Variants in NPLOC4 observed in about 807,000 individuals in gnomAD.
NPLOC4 encodes the protein nuclear protein localization protein 4 homolog.
NPLOC4 carries 18 observed loss-of-function variants against 80.6 expected under a neutral mutation model. The observed-to-expected ratio is 0.22, with a 90% CI of 0.15 to 0.33. The LOEUF is 0.33. Ranked by LOEUF, NPLOC4 falls within the 10% of genes least tolerant of loss-of-function variation. The pLI is 1.00. For missense variants in NPLOC4, 540 were observed against 786.1 expected (o/e 0.69, Z 3.74); for synonymous variants, 313 against 301.5 (o/e 1.04, Z -0.39).
At chr17:81,616,331 A>AC (rs2035485558) in intron 3 of NPLOC4, among the ~76,000 whole-genome samples, 1 of 147,182 alleles carries the variant, frequency 6.8e-6, no homozygotes, top group Non-Finnish European at 1.5e-5. Flanking sequence ...AAAAAAAAAA[A>AC]AAAAAAAGAA....
intron 4 of NPLOC4, among the ~76,000 whole-genome samples, chr17:81,611,697 C>T (rs996696974): frequency 2.0e-5 from 3 of 151,756 alleles, no homozygotes; most frequent in Admixed American, 1.3e-4. Flanking sequence ...TGGTGGCTTG[C>T]GCCCTGTAAT....
intron 12 of NPLOC4, among the ~76,000 whole-genome samples, chr17:81,579,800 T>C (rs1250459838): frequency 6.6e-6 from 1 of 152,146 alleles, no homozygotes; most frequent in African/African-American, 2.4e-5. Context: ...CTTCCCATAC[T>C]GGTGACTGTC....
intron 16 of NPLOC4, among the ~76,000 whole-genome samples, chr17:81,561,481 T>C (rs1418030146): frequency 6.6e-6 from 1 of 152,232 alleles, no homozygotes; most frequent in Non-Finnish European, 1.5e-5. Context: ...AATTTACCTA[T>C]TTTTATGCCA....
At chr17:81,582,318 G>A (rs971769604) in intron 12 of NPLOC4, among the ~76,000 whole-genome samples, 8 of 152,252 alleles carry the variant, frequency 5.3e-5, no homozygotes, top group Non-Finnish European at 8.8e-5. Flanking sequence ...CAGCTATGAT[G>A]CCCGATGAGG....
intron 7 of NPLOC4, among the ~76,000 whole-genome samples, chr17:81,605,153 C>T (rs1325538253): frequency 5.3e-5 from 8 of 150,650 alleles, no homozygotes; most frequent in Non-Finnish European, 7.4e-5. Flanking sequence ...TGGTGGCGGG[C>T]GCCTGTAGTC....
At chr17:81,613,137 A>AAAC (rs1334354487) in intron 4 of NPLOC4, 181 bp downstream of exon 4, 14 of 556,152 alleles carry the variant, frequency 2.5e-5, no homozygotes, top group African/African-American at 2.4e-4. Context: ...TAAAAAAAAA[A>AAAC]AACAAAAACC....
At chr17:81,574,437 G>A (rs1229097480) in intron 12 of NPLOC4, among the ~76,000 whole-genome samples, 2 of 152,016 alleles carry the variant, frequency 1.3e-5, no homozygotes, top group African/African-American at 2.4e-5. Context: ...AGATGTTTTC[G>A]CCAGCCAATC....
chr17:81,566,302 G>C (rs537331552), intron 15 of NPLOC4: 1 of 152,192 alleles, frequency 6.6e-6, no homozygotes, highest in Non-Finnish European at 1.5e-5. Context: ...AATGCACTCC[G>C]GTCTGGGCAA....
rs149503965 is a variant in NPLOC4 at position 81,584,132 on chromosome 17, G to A, written c.1281+4812C>T. On this transcript the variant is annotated intron_variant, in intron 12 of 16. Transcript: ENST00000331134. ...ATATTGGTGCAGGTTTTGTTTACAA[G>A]GCATGTCACCTCCAACCGCAAAGTC... Among the ~76,000 whole-genome samples, 990 of 152,286 alleles carry A rather than the reference G, an allele frequency of 6.5e-3. 6 individuals are homozygous for A. The highest frequency in any genetic ancestry group is 0.017 in the Middle Eastern group (5 of 294).
rs1022466285 is a variant in NPLOC4 at position 81,565,004 on chromosome 17, G to A, written c.1669+501C>T. 5.5e-5 allele frequency: 21 copies of A among 382,302 alleles called. No homozygotes were observed. The Admixed American group carries it at 5.9e-4, about 11-fold the overall frequency. The allele number at this position is 382,302 out of a possible 1,614,324, so 23.7% of individuals were successfully genotyped here. ...GCTGACAGAAGGTTCTCACGAGTGG[G>A]GAATCGTTCAGGACCTGGTGACTGA... On this transcript the variant is annotated intron_variant, in intron 16 of 16. Transcript: ENST00000331134.
chr17:81,634,657 C>T (rs2036020743), intron 1 of NPLOC4, among the ~76,000 whole-genome samples: 1 of 150,854 alleles, frequency 6.6e-6, no homozygotes. Context: ...GCAATCTGGG[C>T]TCACTGCAAC....
At position 81,622,182 on chromosome 17, in the gene NPLOC4, T is replaced by G. The variant is rs766592208; in HGVS notation, c.193A>C (p.Asn65His). Residue 65 changes from asparagine to histidine, a missense_variant, in exon 3 of 17, where the codon AAC (asparagine) becomes CAC (histidine). Asn to His is a moderately conservative substitution (Grantham distance 68). Around this residue, in one of 6 missense-constraint regions of NPLOC4, gnomAD observed 62 missense variants for 84.4 expected, o/e 0.73. Transcript: ENST00000331134. ...GACACTTACTTGATTTTTAGCAAGTTGAGGGATTTGTTGGAGGAGGCTGTT... is the reference window on the plus strand; with the variant it reads ...GACACTTACTTGATTTTTAGCAAGTGGAGGGATTTGTTGGAGGAGGCTGTT... The part of the protein sequence containing the change: ...EITASSNKSL[N>H]LLKIKHGDLL... 1 of 1,611,912 alleles carries G rather than the reference T, an allele frequency of 6.2e-7. No individual in the cohort carries two copies. The highest frequency in any genetic ancestry group is 2.2e-5 in the East Asian group (1 of 44,864).
intron 11 of NPLOC4, among the ~76,000 whole-genome samples, chr17:81,589,575 C>CAGCACAAGACCT (rs568744351): frequency 6.6e-6 from 1 of 151,362 alleles, no homozygotes; most frequent in African/African-American, 2.4e-5. Flanking sequence ...TGGGTGGCCA[C>CAGCACAAGACCT]AGCACAAGAC....
chr17:81,600,294 A>G, intron 9 of NPLOC4, 47 bp downstream of exon 9: 2 of 1,433,636 alleles, frequency 1.4e-6, no homozygotes, highest in Admixed American at 3.7e-5. Context: ...TGGATGCCCA[A>G]CAGAGCCTGG....
At chr17:81,581,973 G>A (rs539884424) in intron 12 of NPLOC4, among the ~76,000 whole-genome samples, 1 of 152,376 alleles carries the variant, frequency 6.6e-6, no homozygotes, top group African/African-American at 2.4e-5. Context: ...CGTGCTGACA[G>A]CAGAGACATG....
intron 12 of NPLOC4, among the ~76,000 whole-genome samples, chr17:81,587,841 TG>T (rs1327121665): frequency 6.8e-6 from 1 of 146,972 alleles, no homozygotes; most frequent in Non-Finnish European, 1.5e-5. Context: ...GCTTATTTTT[TG>T]TATTTTTTTT....
Position 81,637,104 on chromosome 17 carries a change from G to T in NPLOC4, c.-174C>A. 5.4e-6 allele frequency: 2 copies of T among 370,232 alleles called. No homozygotes were observed. The highest frequency in any genetic ancestry group is 4.7e-6 in the Non-Finnish European group (1 of 210,706). 22.9% of individuals were successfully genotyped at this position (370,232 alleles called of 1,614,324 possible). A position where few individuals can be genotyped will look rare whatever the true frequency, so the allele number is the denominator to read the frequency against. On this transcript the variant is annotated 5_prime_UTR_variant, in exon 1 of 17. Transcript: ENST00000331134. The stretch of plus-strand genomic sequence containing the variant: ...CCAGCCGCCGACGTCCCGGTGCCTC[G>T]CTCAATACGCTCCCCTCGGGCGCGA...
At chr17:81,634,966 G>A (rs1208974628) in intron 1 of NPLOC4, among the ~76,000 whole-genome samples, 1 of 152,112 alleles carries the variant, frequency 6.6e-6, no homozygotes, top group Non-Finnish European at 1.5e-5. Context: ...GGGACCCCAA[G>A]GTAGGAGGAT....
At position 81,567,102 on chromosome 17, in the gene NPLOC4, T is replaced by C. The variant is rs971333258; in HGVS notation, c.1566+315A>G. On this transcript the variant is annotated intron_variant, in intron 15 of 16. Coordinates refer to ENST00000331134, the MANE Select transcript of NPLOC4 (RefSeq NM_017921.4). The surrounding 1 kb of genome is among the most constrained non-coding windows in gnomAD (Gnocchi z 4.5). The stretch of plus-strand genomic sequence containing the variant: ...AATTTTTTAAACTGTCTAACTCTAA[T>C]GCTGGAGGCAGAGCTAAATCACCTC... 1.3e-5 allele frequency: 4 copies of C among 318,298 alleles called. No homozygotes were observed. Among genetic ancestry groups the C allele is most frequent in the African/African-American group, 8.5e-5 (4 of 47,104 alleles). 19.7% of individuals were successfully genotyped at this position (318,298 alleles called of 1,614,324 possible).
Sources: gnomAD v4.1 joint callset for allele counts (sites outside exome capture counted in the v4.1 genomes callset) on GRCh38, gnomAD v4.1.1 for gene constraint, gnomAD v4.1.1 regional missense constraint, Gnocchi (gnomAD v3.1) non-coding constraint, MANE v1.5 for transcripts, NCBI Gene and HGNC (gene_info 2026-07-23, HGNC 2026-07-21) for gene names.